MAPRE2: variants seen among roughly 807,000 people sequenced by gnomAD.
MAPRE2 encodes microtubule associated protein RP/EB family member 2, also known as microtubule-associated protein RP/EB family member 2.
In MAPRE2, 13 loss-of-function variants were observed where a neutral mutation model predicts 43.2. The observed-to-expected ratio is 0.30, with a 90% CI of 0.20 to 0.48. The LOEUF (loss-of-function observed/expected upper bound fraction) is 0.48. MAPRE2 is among the 20% of genes least tolerant of loss of function. MAPRE2 has a pLI of 0.99. For synonymous variants in MAPRE2, 135 were observed against 148.8 expected, an observed-to-expected ratio of 0.91 and a Z score of 0.68; for missense variants, 161 against 400.2, an observed-to-expected ratio of 0.40 and a Z score of 5.10.
Position 35,082,789 on chromosome 18 carries a change from TG to T in MAPRE2, c.250+12468del, listed in dbSNP as rs540316298. Among the ~76,000 whole-genome samples, 23 of 152,300 alleles carry T rather than the reference TG, an allele frequency of 1.5e-4. No individual in the cohort carries two copies. In the East Asian group the frequency reaches 4.1e-3, roughly 27 times the overall value. ...TTTGATAATACTGATTACTCTTTGT[TG>T]TTTTTTTATTGGGCAGACTTTGAAC... On this transcript the variant is annotated intron_variant, in intron 2 of 6. Coordinates refer to ENST00000300249, the MANE Select transcript of MAPRE2 (RefSeq NM_014268.4).
intron 2 of MAPRE2, among the ~76,000 whole-genome samples, chr18:35,008,862 C>T (rs2097033027): frequency 6.6e-6 from 1 of 152,044 alleles, no homozygotes; most frequent in Non-Finnish European, 1.5e-5. Flanking sequence ...ACTAGTTTCA[C>T]CATAACATTT....
chr18:35,107,074 T>C (rs1908944157), intron 4 of MAPRE2, among the ~76,000 whole-genome samples: 1 of 152,204 alleles, frequency 6.6e-6, no homozygotes, highest in Admixed American at 6.5e-5. Flanking sequence ...CATACATTCA[T>C]GTATTTAAAT....
At chr18:35,092,999 G>T (rs1480206427) in intron 2 of MAPRE2, among the ~76,000 whole-genome samples, 1 of 151,992 alleles carries the variant, frequency 6.6e-6, no homozygotes, top group South Asian at 2.1e-4. Flanking sequence ...ATCACTTGAG[G>T]TCGGTAGTTC....
chr18:35,068,872 A>G (rs1009700614), intron 1 of MAPRE2, among the ~76,000 whole-genome samples: 3 of 152,220 alleles, frequency 2.0e-5, no homozygotes, highest in Admixed American at 6.5e-5. Context: ...TGCAATTGTC[A>G]TATACTGGCA....
intron 2 of MAPRE2, among the ~76,000 whole-genome samples, chr18:35,077,821 C>T (rs940358217): frequency 4.6e-5 from 7 of 152,256 alleles, no homozygotes; most frequent in African/African-American, 1.7e-4. Context: ...TTTTAAAGTA[C>T]ATAATGATAT....
intron 2 of MAPRE2, among the ~76,000 whole-genome samples, chr18:35,096,250 G>A (rs1232428348): frequency 6.6e-6 from 1 of 152,152 alleles, no homozygotes; most frequent in Admixed American, 6.5e-5. Flanking sequence ...CAGAAAGACT[G>A]ATCATGAGCA....
At chr18:35,046,851 T>C (rs1905646682) in intron 1 of MAPRE2, among the ~76,000 whole-genome samples, 1 of 152,228 alleles carries the variant, frequency 6.6e-6, no homozygotes, top group South Asian at 2.1e-4. Flanking sequence ...GACTGGTACT[T>C]AGCCCAGACA....
intron 1 of MAPRE2, among the ~76,000 whole-genome samples, chr18:35,005,063 C>A (rs980449933): frequency 3.3e-5 from 5 of 151,346 alleles, no homozygotes; most frequent in African/African-American, 1.2e-4. Context: ...AAATATAAAA[C>A]CTGGTTAAAC....
chr18:35,051,700 CTT>C (rs959941625), intron 1 of MAPRE2, among the ~76,000 whole-genome samples: 6 of 152,154 alleles, frequency 3.9e-5, no homozygotes, highest in African/African-American at 1.2e-4. Context: ...TGGTGTGAGA[CTT>C]TTACTTTCTG....
chr18:35,118,269 G>C (rs922236698), intron 4 of MAPRE2, among the ~76,000 whole-genome samples: 3 of 152,122 alleles, frequency 2.0e-5, no homozygotes, highest in Admixed American at 2.0e-4. Flanking sequence ...CCCAGGGGCA[G>C]AGCCATTTAT....
intron 3 of MAPRE2, among the ~76,000 whole-genome samples, chr18:35,100,109 A>G (rs1272202997): frequency 1.3e-5 from 2 of 152,198 alleles, no homozygotes; most frequent in Non-Finnish European, 2.9e-5. Flanking sequence ...ACACTCACAC[A>G]CATTCACACA....
At chr18:35,098,724 ACATGC>A (rs1300518098) in intron 3 of MAPRE2, among the ~76,000 whole-genome samples, 3 of 152,200 alleles carry the variant, frequency 2.0e-5, no homozygotes, top group African/African-American at 7.2e-5. Context: ...ATTTCTCTAT[ACATGC>A]TTCTAGATTA....
intron 5 of MAPRE2, among the ~76,000 whole-genome samples, chr18:35,129,712 T>C (rs1910063179): frequency 6.6e-6 from 1 of 152,196 alleles, no homozygotes; most frequent in South Asian, 2.1e-4. Flanking sequence ...GCAGAGACTA[T>C]AGCCATCACT....
intron 1 of MAPRE2, among the ~76,000 whole-genome samples, chr18:34,994,507 G>A (rs2097025480): frequency 1.3e-5 from 2 of 152,038 alleles, no homozygotes; most frequent in Non-Finnish European, 2.9e-5. Flanking sequence ...CCTTGGCAGG[G>A]CCAGAAAGGC....
intron 2 of MAPRE2, among the ~76,000 whole-genome samples, chr18:35,093,486 T>C (rs1210151502): frequency 6.6e-6 from 1 of 152,172 alleles, no homozygotes; most frequent in African/African-American, 2.4e-5. Context: ...GTAGCACTGT[T>C]GACAATAACC....
intron 4 of MAPRE2, among the ~76,000 whole-genome samples, chr18:35,108,270 C>CT (rs1334300848): frequency 3.3e-5 from 5 of 152,188 alleles, no homozygotes; most frequent in Non-Finnish European, 5.9e-5. Context: ...TGGCTTCCAG[C>CT]TTTATCCACA....
At chr18:35,055,223 A>G (rs1050506246) in intron 1 of MAPRE2, among the ~76,000 whole-genome samples, 3 of 152,180 alleles carry the variant, frequency 2.0e-5, no homozygotes, top group African/African-American at 7.2e-5. Flanking sequence ...TCTAAAACCA[A>G]GGTGTTAGTA....
chr18:35,046,191 T>A (rs776627582), intron 1 of MAPRE2, among the ~76,000 whole-genome samples: 3 of 152,234 alleles, frequency 2.0e-5, no homozygotes, highest in Non-Finnish European at 4.4e-5. Flanking sequence ...TTTAGAGAAT[T>A]AATTAATTTT....
chr18:35,036,194 C>A (rs1374974046), intron 2 of MAPRE2, among the ~76,000 whole-genome samples: 1 of 151,926 alleles, frequency 6.6e-6, no homozygotes, highest in Non-Finnish European at 1.5e-5. Flanking sequence ...TCCTTCATTA[C>A]CCACTCTTAA....
Sources: gnomAD v4.1 joint callset for allele counts (sites outside exome capture counted in the v4.1 genomes callset) on GRCh38, gnomAD v4.1.1 for gene constraint, MANE v1.5 for transcripts, NCBI Gene and HGNC (gene_info 2026-07-23, HGNC 2026-07-21) for gene names.